The following ACAT2 variants were observed in gnomAD, a reference collection of about 807,000 sequenced individuals.
ACAT2 encodes acetyl-CoA acetyltransferase 2, also known as acetyl-CoA acetyltransferase, cytosolic.
ACAT2 carries 26 observed loss-of-function variants against 37.1 expected under a neutral mutation model. The ratio of observed to expected loss-of-function variants is 0.70; its 90% confidence interval spans 0.51 to 0.97. The LOEUF (loss-of-function observed/expected upper bound fraction) is 0.97. Among genes scored for constraint, ACAT2 ranks in the 50% least tolerant of loss-of-function variants. The pLI, the probability that ACAT2 is intolerant of heterozygous loss-of-function variation, is 0.00. For synonymous variants in ACAT2, 156 were observed against 163.6 expected, an observed-to-expected ratio of 0.95 and a Z score of 0.35; for missense variants, 468 against 489.0, an observed-to-expected ratio of 0.96 and a Z score of 0.40.
rs888162802 is a variant in ACAT2, at chr6:159,769,427, G to T, written c.490+799G>T. ...TGGTCATTAAAAATTCAGATCCCGA[G>T]CCCTTTCCAAGGTGTACTGTGGATT... On this transcript the variant is annotated intron_variant, in intron 4 of 8. Transcript: ENST00000367048. 5.9e-5 allele frequency among the ~76,000 whole-genome samples: 9 copies of T among 152,094 alleles called. No homozygotes were observed. In the East Asian group the frequency reaches 1.7e-3, roughly 29 times the overall value.
chr6:159,778,972 TTAATGTGTAA>T lies in ACAT2; in HGVS notation c.*146_*155del. 6.4e-7 allele frequency: 1 copy of T among 1,563,794 alleles called. No individual in the cohort carries two copies. The highest frequency in any genetic ancestry group is 2.2e-5 in the East Asian group (1 of 44,464). ...CCAAGTTTACAGCTTGTACTTTACT[TTAATGTGTAA>T]TACTCAACTCAAGGTACAAGACAAT... On this transcript the variant is annotated 3_prime_UTR_variant, in exon 9 of 9. Coordinates refer to ENST00000367048, the MANE Select transcript of ACAT2 (RefSeq NM_005891.3).
intron 3 of ACAT2, among the ~76,000 whole-genome samples, chr6:159,767,578 C>A (rs936692069): frequency 6.6e-6 from 1 of 152,184 alleles, no homozygotes; most frequent in African/African-American, 2.4e-5. Context: ...GGGGACCAGA[C>A]TTTTTGACCT....
chr6:159,777,718 CCTT>C (rs1780450476), intron 7 of ACAT2, among the ~76,000 whole-genome samples: 3 of 147,072 alleles, frequency 2.0e-5, no homozygotes, highest in African/African-American at 4.9e-5. Context: ...GTGCACCACG[CCTT>C]CTTCATTTCG....
rs199660444 is a variant in ACAT2, at chr6:159,762,970, C to T, written c.107C>T (p.Thr36Ile). The T allele has an allele frequency of 1.2e-6, 2 of 1,614,160 alleles. No individual in the cohort carries two copies. Among genetic ancestry groups the T allele is most frequent in the African/African-American group, 1.3e-5 (1 of 75,038 alleles). Residue 36 changes from threonine (T) to isoleucine (I), a missense_variant, in exon 2 of 9, where the codon ACT becomes ATT. Physicochemically the swap from Thr to Ile is moderately conservative, Grantham distance 89. Coordinates refer to ENST00000367048, the MANE Select transcript of ACAT2 (RefSeq NM_005891.3). ...GTTCCTGTCCAGGACCTGGGCTCCA[C>T]TGTCATCAAAGAAGTCTTGAAGAGG... ...AAVPVQDLGS[T>I]VIKEVLKRAT... is the part of the protein sequence containing the mutation.
intron 4 of ACAT2, among the ~76,000 whole-genome samples, chr6:159,774,782 G>C (rs1047945691): frequency 4.6e-5 from 7 of 152,196 alleles, no homozygotes; most frequent in African/African-American, 4.8e-5. Flanking sequence ...TAAGAAAGTG[G>C]CCTTGTTTTG....
chr6:159,775,991 T>C (rs989491493), intron 5 of ACAT2, 159 bp from the exon 6 acceptor site: 9 of 719,300 alleles, frequency 1.3e-5, no homozygotes, highest in Non-Finnish European at 1.8e-5. Context: ...ACAATAATTC[T>C]TGTGTGTACT....
chr6:159,765,814 T>A (rs553620997), intron 2 of ACAT2, among the ~76,000 whole-genome samples: 1 of 152,186 alleles, frequency 6.6e-6, no homozygotes, highest in Non-Finnish European at 1.5e-5. Context: ...ACCTTACCCG[T>A]TTTTAGTTTC....
chr6:159,771,151 G>C (rs923150411), intron 4 of ACAT2, among the ~76,000 whole-genome samples: 4 of 152,170 alleles, frequency 2.6e-5, no homozygotes, highest in Non-Finnish European at 5.9e-5. Flanking sequence ...GGAGGTCAAT[G>C]CAGGCAGATC....
At chr6:159,778,577 A>C in intron 8 of ACAT2, 82 bp from the exon 9 acceptor site, 1 of 1,474,344 alleles carries the variant, frequency 6.8e-7, no homozygotes, top group Non-Finnish European at 9.3e-7. Context: ...ATGCTGATAC[A>C]TTAAGAGGAA....
At chr6:159,762,832 C>T (rs1361327705) in intron 1 of ACAT2, 87 bp from the exon 2 acceptor site, 1 of 1,596,994 alleles carries the variant, frequency 6.3e-7, no homozygotes, top group Non-Finnish European at 8.5e-7. Context: ...CCTTGCCAAA[C>T]AGGGTCATGA....
At chr6:159,772,425 C>A (rs1197219343) in intron 4 of ACAT2, among the ~76,000 whole-genome samples, 1 of 152,104 alleles carries the variant, frequency 6.6e-6, no homozygotes, top group Non-Finnish European at 1.5e-5. Context: ...TAGACCCAGA[C>A]TTATGCTTGT....
At chr6:159,768,897 C>T (rs965469790) in intron 4 of ACAT2, among the ~76,000 whole-genome samples, 2 of 152,206 alleles carry the variant, frequency 1.3e-5, no homozygotes, top group African/African-American at 4.8e-5. Context: ...ACAAATAGTG[C>T]TTCTGTGGCA....
At position 159,766,991 on chromosome 6, in the gene ACAT2, G is replaced by C. The variant is rs1780265918; in HGVS notation, c.191-14G>C. The C allele has an allele frequency of 6.2e-7, 1 of 1,613,622 alleles. No individual in the cohort carries two copies. Among genetic ancestry groups the C allele is most frequent in the Admixed American group, 1.7e-5 (1 of 59,988 alleles). On this transcript the variant is annotated splice_polypyrimidine_tract_variant and intron_variant, in intron 2 of 8. Coordinates refer to ENST00000367048, the MANE Select transcript of ACAT2 (RefSeq NM_005891.3). ...TCCTTGATTGCTAAGAGTCCTCTGTGTTCCTCTTTCTAGGCTGTGGGCAGA... is the reference window on the plus strand; with the variant it reads ...TCCTTGATTGCTAAGAGTCCTCTGTCTTCCTCTTTCTAGGCTGTGGGCAGA...
intron 4 of ACAT2, among the ~76,000 whole-genome samples, chr6:159,769,579 A>C (rs1033264582): frequency 2.0e-5 from 3 of 152,242 alleles, no homozygotes; most frequent in African/African-American, 7.2e-5. Context: ...TACTATAAAC[A>C]AGCATAAAAC....
chr6:159,768,033 A>ATAT (rs1193120318), intron 3 of ACAT2, among the ~76,000 whole-genome samples: 1 of 152,158 alleles, frequency 6.6e-6, no homozygotes, highest in Admixed American at 6.5e-5. Context: ...TTCCATTCTA[A>ATAT]TATACCTGCT....
Position 159,775,322 on chromosome 6 carries a change from ATCATAGTGG to A in ACAT2, c.634+11_634+19del. 1 of 1,613,448 alleles carries A rather than the reference ATCATAGTGG, an allele frequency of 6.2e-7. No homozygotes were observed. The highest frequency in any genetic ancestry group is 8.5e-7 in the Non-Finnish European group (1 of 1,179,620). ...GGTGTCAACTAGAAAAGGTGAGTAT[ATCATAGTGG>A]TTTAAACATCAACCTATTTATAGGT... On this transcript the variant is annotated intron_variant, in intron 5 of 8. Coordinates refer to ENST00000367048, the MANE Select transcript of ACAT2 (RefSeq NM_005891.3).
intron 3 of ACAT2, among the ~76,000 whole-genome samples, chr6:159,768,267 A>G (rs1396267684): frequency 6.6e-6 from 1 of 152,174 alleles, no homozygotes; most frequent in African/African-American, 2.4e-5. Context: ...CAGAATGGGT[A>G]GGTTTGAGGG....
intron 3 of ACAT2, 21 bp from the exon 4 acceptor site, chr6:159,768,490 A>G (rs762441519): frequency 1.9e-6 from 3 of 1,549,612 alleles, no homozygotes; most frequent in East Asian, 2.2e-5. Flanking sequence ...GCCTAAATCC[A>G]TTTTTATTTC....
rs1344812776 is a variant in ACAT2, at chr6:159,768,564, G to A, written c.426G>A (p.Leu142=). ...GAGTAAAGATAGGTGAGATGCCACTGACTGACAGTATACTCTGTGATGGTC... is the reference window on the plus strand; with the variant it reads ...GAGTAAAGATAGGTGAGATGCCACTAACTGACAGTATACTCTGTGATGGTC... The part of the protein sequence containing the change: ...RTGVKIGEMP[L]TDSILCDGLT... Residue 142 remains leucine (L), a synonymous_variant, in exon 4 of 9, where the codon CTG becomes CTA. Transcript: ENST00000367048. The A allele has an allele frequency of 2.5e-6, 4 of 1,613,904 alleles. No homozygotes were observed. In the Admixed American group the frequency reaches 6.7e-5, roughly 27 times the overall value.
Sources: allele counts gnomAD v4.1 joint callset (sites outside exome capture counted in the v4.1 genomes callset), GRCh38; gene constraint gnomAD v4.1.1; transcripts MANE v1.5; gene names NCBI Gene and HGNC (gene_info 2026-07-23, HGNC 2026-07-21).